Variants in RIMBP2 observed in about 807,000 individuals in gnomAD.
RIMBP2 encodes RIMS-binding protein 2.
A neutral mutation model predicts 118.6 loss-of-function variants in RIMBP2; 48 were observed. That is an observed-to-expected ratio of 0.40 (90% CI 0.32 to 0.51). The LOEUF (loss-of-function observed/expected upper bound fraction) is 0.51, where lower values mean the gene tolerates loss of function less well. Among genes scored for constraint, RIMBP2 ranks in the 20% least tolerant of loss-of-function variants. The pLI, the probability that RIMBP2 is intolerant of heterozygous loss-of-function variation, is 0.41. For synonymous variants in RIMBP2, 762 were observed against 742.9 expected, an observed-to-expected ratio of 1.03 and a Z score of -0.42; for missense variants, 1,551 against 1,768.3, an observed-to-expected ratio of 0.88 and a Z score of 2.20.
chr12:130,525,006 T>C lies in RIMBP2; in HGVS notation c.-216-7089A>G, dbSNP rs558051828. ...AATGCTCAGGGGACAGGTCCCCACATGGCCCAGAGCTCAGGAAGGAGAGCC... is the reference window on the plus strand; with the variant it reads ...AATGCTCAGGGGACAGGTCCCCACACGGCCCAGAGCTCAGGAAGGAGAGCC... On this transcript the variant is annotated intron_variant, in intron 2 of 22. Coordinates refer to ENST00000690449, the MANE Select transcript of RIMBP2 (RefSeq NM_001393629.1). The surrounding 1 kb of genome is among the most constrained non-coding windows in gnomAD (Gnocchi z 4.4). 6.6e-6 allele frequency among the ~76,000 whole-genome samples: 1 copy of C among 152,166 alleles called. No homozygotes were observed. The highest frequency in any genetic ancestry group is 2.4e-5 in the African/African-American group (1 of 41,442).
intron 5 of RIMBP2, among the ~76,000 whole-genome samples, chr12:130,478,688 T>G (rs968216110): frequency 6.6e-6 from 1 of 152,244 alleles, no homozygotes; most frequent in Non-Finnish European, 1.5e-5. Context: ...CATCAGAGGT[T>G]AGAGCTTTGC....
Position 130,621,266 on chromosome 12 carries a change from C to T in RIMBP2, c.-217+7056G>A, listed in dbSNP as rs115330033. Among the ~76,000 whole-genome samples, 512 of 152,208 alleles carry T rather than the reference C, an allele frequency of 3.4e-3. 1 individual carries two copies. Among genetic ancestry groups the T allele is most frequent in the African/African-American group, 0.012 (479 of 41,536 alleles). On this transcript the variant is annotated intron_variant, in intron 2 of 22. Transcript: ENST00000690449. This position sits in a 1 kb window ranked among gnomAD's most constrained non-coding sequence, Gnocchi z 6.6. ...CCCCATGAGAGAAAAGCAGGGGGCACGTGCCATGGTCGTACACAGCCCTGC... is the reference window on the plus strand; with the variant it reads ...CCCCATGAGAGAAAAGCAGGGGGCATGTGCCATGGTCGTACACAGCCCTGC...
chr12:130,540,149 A>T (rs11831675), intron 2 of RIMBP2, among the ~76,000 whole-genome samples: 29,035 of 42,904 alleles, frequency 0.68, 9,910 homozygotes, highest in East Asian at 0.94. Context: ...TTGGGTTTTG[A>T]TCAAAAGTTG....
rs948116231 is a variant in RIMBP2 at position 130,424,433 on chromosome 12, A to T, written c.2838T>A (p.Gly946=). The change falls in exon 16 of 23, where the codon GGT becomes GGA. Residue 946 remains glycine, a synonymous_variant. Coordinates refer to ENST00000690449, the MANE Select transcript of RIMBP2 (RefSeq NM_001393629.1). The surrounding 1 kb of genome is among the most constrained non-coding windows in gnomAD (Gnocchi z 9.8). ...TCGGGCCCCTCCTGCAGGGACAGTG[A>T]CCAGGGCCTGGGCTGCACGCGGCCA... ...NTVAACSPGP[G]HCPCRRGPRP... The T allele has an allele frequency of 8.1e-7, 1 of 1,232,532 alleles. No individual in the cohort carries two copies. The highest frequency in any genetic ancestry group is 1.0e-6 in the Non-Finnish European group (1 of 988,168). 76.3% of individuals were successfully genotyped at this position (1,232,532 alleles called of 1,614,324 possible). A position where few individuals can be genotyped will look rare whatever the true frequency, so the allele number is the denominator to read the frequency against.
intron 2 of RIMBP2, among the ~76,000 whole-genome samples, chr12:130,518,210 T>G (rs1240378977): frequency 6.6e-6 from 1 of 152,326 alleles, no homozygotes; most frequent in South Asian, 2.1e-4. Context: ...TTCTCGCCAA[T>G]TGGAGTTGTT....
intron 1 of RIMBP2, among the ~76,000 whole-genome samples, chr12:130,632,089 T>C (rs2062026205): frequency 6.6e-6 from 1 of 152,258 alleles, no homozygotes; most frequent in African/African-American, 2.4e-5. Flanking sequence ...GTAACACCAC[T>C]GGTCCACCTA....
rs1374934064 is a variant in RIMBP2, at chr12:130,447,195, C to T, written c.582-1926G>A. Among the ~76,000 whole-genome samples, 1 of 151,844 alleles carries T rather than the reference C, an allele frequency of 6.6e-6. No individual in the cohort carries two copies. Among genetic ancestry groups the T allele is most frequent in the Non-Finnish European group, 1.5e-5 (1 of 67,954 alleles). On this transcript the variant is annotated intron_variant, in intron 9 of 22. Coordinates refer to ENST00000690449, the MANE Select transcript of RIMBP2 (RefSeq NM_001393629.1). The surrounding 1 kb of genome is among the most constrained non-coding windows in gnomAD (Gnocchi z 4.4). ...CCAGGGAGCAGGTAGGGAAGACACA[C>T]CCTGAGAGCTTGAGAGGGAAGCCGC...
chr12:130,399,751 G>T lies in RIMBP2; in HGVS notation c.3828C>A (p.Asp1276Glu). The change falls in exon 22 of 23, where the codon GAC becomes GAA. Residue 1276 changes from aspartate (D) to glutamate (E), a missense_variant. Asp to Glu is a conservative substitution (Grantham distance 45, BLOSUM62 2). Around this residue, in one of 5 missense-constraint regions of RIMBP2, gnomAD observed 1,038 missense variants for 1,125.1 expected, o/e 0.92. Transcript: ENST00000690449. ...GAGCATCAGAAAGATAGACTTCTAC[G>T]TCATCAGGCACTTCTTCCAAGAAGT... is the stretch of plus-strand genomic sequence containing the variant. ...PSNFLEEVPDDVEVYLSDAPS... is the reference protein window; with the variant it reads ...PSNFLEEVPDEVEVYLSDAPS... 6.2e-7 allele frequency: 1 copy of T among 1,614,120 alleles called. No homozygotes were observed. The highest frequency in any genetic ancestry group is 1.1e-5 in the South Asian group (1 of 91,084).
chr12:130,468,416 C>T (rs924123448), intron 6 of RIMBP2, among the ~76,000 whole-genome samples: 9 of 152,198 alleles, frequency 5.9e-5, no homozygotes, highest in Non-Finnish European at 1.0e-4. Context: ...ACTTTGCTCA[C>T]AAGCTCCTGG....
chr12:130,613,678 G>A (rs1469725105), intron 2 of RIMBP2, among the ~76,000 whole-genome samples: 1 of 152,046 alleles, frequency 6.6e-6, no homozygotes, highest in African/African-American at 2.4e-5. Context: ...GCTGGGTGTG[G>A]TGGCGGGTGC....
At chr12:130,699,329 A>T (rs1566466158) in intron 1 of RIMBP2, among the ~76,000 whole-genome samples, 1 of 152,200 alleles carries the variant, frequency 6.6e-6, no homozygotes. Context: ...GAACCAACCC[A>T]AATGTCCAAC....
intron 1 of RIMBP2, among the ~76,000 whole-genome samples, chr12:130,650,415 C>T (rs2063182678): frequency 6.6e-6 from 1 of 152,260 alleles, no homozygotes; most frequent in South Asian, 2.1e-4. Flanking sequence ...GCCTTCTGCT[C>T]GTTGCTACCA....
chr12:130,644,663 G>C (rs554968613), intron 1 of RIMBP2, among the ~76,000 whole-genome samples: 1 of 152,218 alleles, frequency 6.6e-6, no homozygotes, highest in Non-Finnish European at 1.5e-5. Flanking sequence ...CCTAATCACC[G>C]TCAGACTTCA....
intron 3 of RIMBP2, among the ~76,000 whole-genome samples, chr12:130,513,779 C>G (rs575141472): frequency 3.3e-5 from 5 of 152,338 alleles, no homozygotes; most frequent in African/African-American, 1.2e-4. Flanking sequence ...ACACTGCAGT[C>G]TCTTTGCATT....
chr12:130,442,518 T>A lies in RIMBP2; in HGVS notation c.834A>T (p.Gly278=). 6.2e-7 allele frequency: 1 copy of A among 1,614,084 alleles called. No individual in the cohort carries two copies. Among genetic ancestry groups the A allele is most frequent in the Non-Finnish European group, 8.5e-7 (1 of 1,180,010 alleles). Reference sequence around the variant, plus strand: ...GGGAGTGGAGGTCCAGGATGTGCTCTCCCTCCAGGCCGATGCCGGAATGGT... The same window carrying A: ...GGGAGTGGAGGTCCAGGATGTGCTCACCCTCCAGGCCGATGCCGGAATGGT... ...FINHSGIGLE[G]EHILDLHSPT... The change falls in exon 11 of 23, where the codon GGA becomes GGT. Residue 278 remains glycine (G), a synonymous_variant. Transcript: ENST00000690449. This position sits in a 1 kb window ranked among gnomAD's most constrained non-coding sequence, Gnocchi z 6.9.
chr12:130,470,882 T>G, intron 5 of RIMBP2, 139 bp from the exon 6 acceptor site: 1 of 454,346 alleles, frequency 2.2e-6, no homozygotes, highest in Non-Finnish European at 3.6e-6. Context: ...ATTCCTACAT[T>G]CATTATTTAA....
chr12:130,618,792 T>C (rs2061119609), intron 2 of RIMBP2, among the ~76,000 whole-genome samples: 1 of 152,064 alleles, frequency 6.6e-6, no homozygotes, highest in Admixed American at 6.6e-5. Flanking sequence ...AATGGGAGAC[T>C]GTGCACGAAC....
In RIMBP2 at chr12:130,450,125, CAGAGTGTT is replaced by C. The variant is rs2078872677; in HGVS notation, c.581+67_581+74del. ...TGGGAGAAGGGAACTTCTCAGACCC[CAGAGTGTT>C]CCCAGACCCAACATCTCATCTGCCC... On this transcript the variant is annotated intron_variant, in intron 9 of 22. Transcript: ENST00000690449. This position sits in a 1 kb window ranked among gnomAD's most constrained non-coding sequence, Gnocchi z 4.8. 9.4e-6 allele frequency: 9 copies of C among 955,734 alleles called. No individual in the cohort carries two copies. In the South Asian group the frequency reaches 9.7e-5, roughly 10 times the overall value. The allele number at this position is 955,734 out of a possible 1,614,324, so 59.2% of individuals were successfully genotyped here.
rs1043105663 is a variant in RIMBP2 at position 130,513,483 on chromosome 12, C to G, written c.-127+4345G>C. On this transcript the variant is annotated intron_variant, in intron 3 of 22. Coordinates refer to ENST00000690449, the MANE Select transcript of RIMBP2 (RefSeq NM_001393629.1). ...TGTGACGAAAACCTTGAACCTCAGA[C>G]CTGCTACAGGAACAGTGGCCCAGTG... 1.1e-4 allele frequency among the ~76,000 whole-genome samples: 17 copies of G among 151,500 alleles called. 1 individual carries two copies. The East Asian group carries it at 3.3e-3, about 30-fold the overall frequency.
Sources: allele counts gnomAD v4.1 joint callset (sites outside exome capture counted in the v4.1 genomes callset), GRCh38; gene constraint gnomAD v4.1.1; regional missense constraint gnomAD v4.1.1; non-coding constraint Gnocchi (gnomAD v3.1); transcripts MANE v1.5; gene names NCBI Gene and HGNC (gene_info 2026-07-23, HGNC 2026-07-21).